The following PRRC2B variants were observed in gnomAD, a reference collection of about 807,000 sequenced individuals.
PRRC2B encodes proline rich coiled-coil 2B, also known as protein PRRC2B.
PRRC2B carries 68 observed loss-of-function variants against 242.3 expected under a neutral mutation model. The ratio of observed to expected loss-of-function variants is 0.28; its 90% CI spans 0.23 to 0.34. The LOEUF is 0.34. Ranked by LOEUF, PRRC2B falls within the 10% of genes least tolerant of loss-of-function variation. PRRC2B has a pLI of 1.00. For missense variants in PRRC2B, 2,835 were observed against 2,954.8 expected, an observed-to-expected ratio of 0.96 and a Z score of 0.94; for synonymous variants, 1,228 against 1,173.6, an observed-to-expected ratio of 1.05 and a Z score of -0.95.
In PRRC2B at chr9:131,498,248, T is replaced by C. The variant is rs1944382200; in HGVS notation, c.*2374T>C. 1 of 152,150 alleles carries C rather than the reference T, an allele frequency of 6.6e-6. No individual in the cohort carries two copies. Among genetic ancestry groups the C allele is most frequent in the East Asian group, 1.9e-4 (1 of 5,198 alleles). 9.4% of individuals were successfully genotyped at this position (152,150 alleles called of 1,614,324 possible). Reference sequence around the variant, plus strand: ...CAAAAAACACTAGAATTTATTTATATGTATTGATGTTGTAGGTCTAGGTGA... The same window carrying C: ...CAAAAAACACTAGAATTTATTTATACGTATTGATGTTGTAGGTCTAGGTGA... On this transcript the variant is annotated 3_prime_UTR_variant, in exon 32 of 32. Transcript: ENST00000683519.
chr9:131,403,360 A>AT (rs908451570), intron 1 of PRRC2B, among the ~76,000 whole-genome samples: 94 of 150,684 alleles, frequency 6.2e-4, no homozygotes, highest in East Asian at 3.3e-3. Flanking sequence ...TTATTTATTT[A>AT]TTTTTTTTTG....
intron 1 of PRRC2B, among the ~76,000 whole-genome samples, chr9:131,424,385 G>A (rs530512823): frequency 6.7e-6 from 1 of 149,250 alleles, no homozygotes; most frequent in Non-Finnish European, 1.5e-5. Context: ...GCAAAACTTG[G>A]TTAAAAGGTT....
intron 9 of PRRC2B, among the ~76,000 whole-genome samples, chr9:131,450,707 C>G (rs1462926989): frequency 1.3e-5 from 2 of 151,922 alleles, no homozygotes; most frequent in Admixed American, 6.6e-5. Flanking sequence ...CATGTCTCAG[C>G]CTTCCAAGTA....
Position 131,431,606 on chromosome 9 carries a change from G to A in PRRC2B, c.116-1011G>A, listed in dbSNP as rs1296163258. 9.3e-5 allele frequency among the ~76,000 whole-genome samples: 13 copies of A among 140,114 alleles called. No homozygotes were observed. In the East Asian group the frequency reaches 1.9e-3, roughly 21 times the overall value. 91.9% of individuals were successfully genotyped at this position (140,114 alleles called of 152,430 possible). A position where few individuals can be genotyped will look rare whatever the true frequency, so the allele number is the denominator to read the frequency against. On this transcript the variant is annotated intron_variant, in intron 2 of 31. Coordinates refer to ENST00000683519, the MANE Select transcript of PRRC2B (RefSeq NM_013318.4). ...AAGAATTTTTTTTTTTTTTTGAGAC[G>A]GAGTCTCACTCTGTTGCTCAGGCTG...
chr9:131,459,695 A>G (rs899057740), intron 11 of PRRC2B, among the ~76,000 whole-genome samples: 1 of 150,748 alleles, frequency 6.6e-6, no homozygotes, highest in Non-Finnish European at 1.5e-5. Flanking sequence ...GTGCTGCCAC[A>G]CCTGGCTCAT....
upstream of PRRC2B, among the ~76,000 whole-genome samples, chr9:131,392,026 C>G (rs1238697809): frequency 6.6e-6 from 1 of 152,114 alleles, no homozygotes; most frequent in African/African-American, 2.4e-5. Flanking sequence ...CAGGGGTGAG[C>G]CACCACGCTT....
chr9:131,455,304 C>T (rs1024205421), intron 10 of PRRC2B, 138 bp downstream of exon 10: 5 of 651,170 alleles, frequency 7.7e-6, no homozygotes, highest in Non-Finnish European at 1.4e-5. Context: ...AGGGTGACAG[C>T]TATTGATGAT....
At chr9:131,426,795 G>A (rs558377432) in intron 1 of PRRC2B, among the ~76,000 whole-genome samples, 4 of 152,304 alleles carry the variant, frequency 2.6e-5, no homozygotes, top group African/African-American at 4.8e-5. Flanking sequence ...ACTCTCTTAC[G>A]CCCTCTAGTA....
chr9:131,407,544 C>G (rs960625312), intron 1 of PRRC2B, among the ~76,000 whole-genome samples: 1 of 152,098 alleles, frequency 6.6e-6, no homozygotes, highest in African/African-American at 2.4e-5. Flanking sequence ...CTGGCTTCGC[C>G]GGCGATTGTC....
intron 1 of PRRC2B, among the ~76,000 whole-genome samples, chr9:131,388,440 A>C (rs1056752789): frequency 6.7e-6 from 1 of 149,322 alleles, no homozygotes; most frequent in African/African-American, 2.4e-5. Context: ...GGGTTTCACC[A>C]TGTTGGTCAG....
intron 23 of PRRC2B, among the ~76,000 whole-genome samples, chr9:131,484,481 C>T (rs1267201011): frequency 6.6e-6 from 1 of 152,144 alleles, no homozygotes; most frequent in Non-Finnish European, 1.5e-5. Flanking sequence ...GTCTTGGGTA[C>T]ATGTGGCCAA....
chr9:131,381,464 G>A (rs916570269), intron 1 of PRRC2B, among the ~76,000 whole-genome samples: 5 of 145,166 alleles, frequency 3.4e-5, no homozygotes, highest in Non-Finnish European at 7.5e-5. Flanking sequence ...TGTCCCCCAG[G>A]CTGGAGTGCA....
chr9:131,486,546 T>C (rs1944030130), intron 26 of PRRC2B: 3 of 985,160 alleles, frequency 3.0e-6, no homozygotes, highest in Non-Finnish European at 3.6e-6. Context: ...AAAGAGGTAG[T>C]CTTAGAAATG....
intron 1 of PRRC2B, among the ~76,000 whole-genome samples, chr9:131,426,803 G>C (rs570568028): frequency 2.2e-4 from 34 of 152,304 alleles, no homozygotes; most frequent in African/African-American, 8.2e-4. Flanking sequence ...ACGCCCTCTA[G>C]TACATTCAGC....
chr9:131,400,663 C>T (rs1174500093), intron 1 of PRRC2B, among the ~76,000 whole-genome samples: 1 of 152,128 alleles, frequency 6.6e-6, no homozygotes, highest in Non-Finnish European at 1.5e-5. Flanking sequence ...CCCTCCGCCT[C>T]CGCCTATCAA....
chr9:131,467,758 A>G lies in PRRC2B; in HGVS notation c.1911+5A>G. ...CAGCAGCAGCAACAACAGCAGGTAA[A>G]CAGATGAGATGGTAAAAGACTGTGA... On this transcript the variant is annotated splice_donor_5th_base_variant and intron_variant, in intron 13 of 31. Transcript: ENST00000683519. 1.2e-6 allele frequency: 2 copies of G among 1,613,796 alleles called. No homozygotes were observed. The highest frequency in any genetic ancestry group is 1.7e-6 in the Non-Finnish European group (2 of 1,179,762).
chr9:131,486,320 C>T lies in PRRC2B; in HGVS notation c.5856+138C>T, dbSNP rs1447272121. 16 of 839,850 alleles carry T rather than the reference C, an allele frequency of 1.9e-5. 1 individual carries two copies. The highest frequency in any genetic ancestry group is 2.6e-4 in the Middle Eastern group (1 of 3,814). The allele number at this position is 839,850 out of a possible 1,614,324, so 52.0% of individuals were successfully genotyped here. ...CACATGTGGTGACCAGCACCTGGCCCGCCACGGCAGCCAGGAGGCATTTGT... is the reference window on the plus strand; with the variant it reads ...CACATGTGGTGACCAGCACCTGGCCTGCCACGGCAGCCAGGAGGCATTTGT... On this transcript the variant is annotated intron_variant, in intron 26 of 31. Coordinates refer to ENST00000683519, the MANE Select transcript of PRRC2B (RefSeq NM_013318.4).
At chr9:131,472,310 A>G (rs1268481899) in intron 14 of PRRC2B, among the ~76,000 whole-genome samples, 1 of 151,694 alleles carries the variant, frequency 6.6e-6, no homozygotes, top group Non-Finnish European at 1.5e-5. Context: ...GATGATTATT[A>G]TTATTATTAT....
rs565902279 is a variant in PRRC2B at position 131,422,824 on chromosome 9, A to G, written c.-51-7270A>G. Reference sequence around the variant, plus strand: ...ACTTCTTTAGATTATGTGCCAAAATATGCAACCTGGATTCTTTTTCAATGT... The same window carrying G: ...ACTTCTTTAGATTATGTGCCAAAATGTGCAACCTGGATTCTTTTTCAATGT... On this transcript the variant is annotated intron_variant, in intron 1 of 31. Transcript: ENST00000683519. Among the ~76,000 whole-genome samples the G allele has an allele frequency of 2.6e-5, 4 of 152,322 alleles. No individual in the cohort carries two copies. In the South Asian group the frequency reaches 6.2e-4, roughly 24 times the overall value.
Sources: allele counts gnomAD v4.1 joint callset (sites outside exome capture counted in the v4.1 genomes callset), GRCh38; gene constraint gnomAD v4.1.1; transcripts MANE v1.5; gene names NCBI Gene and HGNC (gene_info 2026-07-23, HGNC 2026-07-21).